The following KIF13B variants were observed in gnomAD, a reference collection of about 807,000 sequenced individuals.
KIF13B encodes the protein kinesin family member 13B.
In KIF13B, 127 loss-of-function variants were observed where a neutral mutation model predicts 222.0. The observed-to-expected ratio is 0.57, with a 90% CI of 0.50 to 0.66. KIF13B has a LOEUF of 0.66. Among genes scored for constraint, KIF13B ranks in the 30% least tolerant of loss-of-function variants. The pLI is 0.00. For synonymous variants in KIF13B, 976 were observed against 919.0 expected, an observed-to-expected ratio of 1.06 and a Z score of -1.12; for missense variants, 2,173 against 2,379.0, an observed-to-expected ratio of 0.91 and a Z score of 1.80.
intron 2 of KIF13B, among the ~76,000 whole-genome samples, chr8:29,217,600 G>A (rs766885434): frequency 2.0e-5 from 3 of 152,206 alleles, no homozygotes; most frequent in Non-Finnish European, 2.9e-5. Flanking sequence ...TCAAAACTAG[G>A]AGGGGGAAGA....
chr8:29,250,520 A>G (rs1816237304), intron 1 of KIF13B, among the ~76,000 whole-genome samples: 1 of 152,222 alleles, frequency 6.6e-6, no homozygotes, highest in African/African-American at 2.4e-5. Flanking sequence ...CACCTAACCT[A>G]AACTCATTTT....
intron 12 of KIF13B, among the ~76,000 whole-genome samples, chr8:29,164,575 C>T (rs551444807): frequency 3.4e-4 from 51 of 152,224 alleles, no homozygotes; most frequent in Non-Finnish European, 6.6e-4. Context: ...GGACACTTAA[C>T]GCTCTTAGCT....
chr8:29,222,311 T>TGGCAC (rs1291148843), intron 2 of KIF13B, among the ~76,000 whole-genome samples: 4 of 152,092 alleles, frequency 2.6e-5, no homozygotes, highest in Non-Finnish European at 4.4e-5. Context: ...GTTCATGGCA[T>TGGCAC]GGCACGGCAC....
intron 2 of KIF13B, among the ~76,000 whole-genome samples, chr8:29,216,960 C>CA (rs796159735): frequency 0.011 from 1,379 of 125,370 alleles, 5 homozygotes; most frequent in African/African-American, 0.026. Flanking sequence ...ATATTCAGTC[C>CA]AAAAAAAAAA....
chr8:29,251,926 A>G (rs559912822), intron 1 of KIF13B, among the ~76,000 whole-genome samples: 1 of 152,142 alleles, frequency 6.6e-6, no homozygotes, highest in East Asian at 1.9e-4. Context: ...GTAGTACTGT[A>G]AGTTTATTTC....
At chr8:29,257,531 G>A (rs1816529155) in intron 1 of KIF13B, among the ~76,000 whole-genome samples, 1 of 152,198 alleles carries the variant, frequency 6.6e-6, no homozygotes, top group African/African-American at 2.4e-5. Flanking sequence ...TTATGGAGGT[G>A]AGAGGGTAAA....
At chr8:29,152,596 A>T (rs191319943) in intron 14 of KIF13B, among the ~76,000 whole-genome samples, 2 of 140,434 alleles carry the variant, frequency 1.4e-5, no homozygotes, top group African/African-American at 5.7e-5. Context: ...ATTTTTTAGC[A>T]ACAGAGTTTT....
chr8:29,174,961 C>T (rs2130234444), intron 10 of KIF13B, among the ~76,000 whole-genome samples: 1 of 152,282 alleles, frequency 6.6e-6, no homozygotes, highest in African/African-American at 2.4e-5. Context: ...AAATCAGTAA[C>T]TATGTCCTCT....
intron 37 of KIF13B, 56 bp from the exon 38 acceptor site, chr8:29,075,399 A>C: frequency 6.7e-7 from 1 of 1,490,740 alleles, no homozygotes; most frequent in Non-Finnish European, 9.1e-7. Context: ...GGGTAGCAGA[A>C]AGGTTTCCGC....
At chr8:29,197,361 A>AAAAAAAAAAAAAAT (rs1813486729) in intron 2 of KIF13B, among the ~76,000 whole-genome samples, 3 of 135,308 alleles carry the variant, frequency 2.2e-5, no homozygotes, top group Non-Finnish European at 4.8e-5. Flanking sequence ...AAAAAAAAAA[A>AAAAAAAAAAAAAAT]CTCAATATAT....
intron 2 of KIF13B, among the ~76,000 whole-genome samples, chr8:29,218,330 T>C (rs191431292): frequency 3.3e-5 from 5 of 152,286 alleles, no homozygotes; most frequent in South Asian, 2.1e-4. Context: ...TCTAAAAAAA[T>C]AGCTTTCCTC....
At chr8:29,260,055 A>G (rs1180252462) in intron 1 of KIF13B, among the ~76,000 whole-genome samples, 1 of 152,210 alleles carries the variant, frequency 6.6e-6, no homozygotes, top group Non-Finnish European at 1.5e-5. Context: ...AAATAAATGT[A>G]TGACTAGACA....
At chr8:29,212,094 T>C (rs1814253760) in intron 2 of KIF13B, among the ~76,000 whole-genome samples, 1 of 152,230 alleles carries the variant, frequency 6.6e-6, no homozygotes, top group African/African-American at 2.4e-5. Context: ...GATAGGCATT[T>C]GGGCTGTTTC....
intron 13 of KIF13B, among the ~76,000 whole-genome samples, chr8:29,159,723 C>A (rs1012018075): frequency 2.0e-5 from 3 of 152,148 alleles, no homozygotes; most frequent in Non-Finnish European, 2.9e-5. Flanking sequence ...CGCCACTGAA[C>A]CACAACACTT....
intron 13 of KIF13B, among the ~76,000 whole-genome samples, chr8:29,156,491 C>T (rs920033368): frequency 3.9e-5 from 6 of 151,916 alleles, no homozygotes; most frequent in African/African-American, 1.5e-4. Context: ...CAACCACTAT[C>T]GCAGTCTTAG....
At chr8:29,150,110 C>T (rs1180645736) in intron 15 of KIF13B, among the ~76,000 whole-genome samples, 187 bp downstream of exon 15, 1 of 152,096 alleles carries the variant, frequency 6.6e-6, no homozygotes, top group Admixed American at 6.6e-5. Context: ...GTTTATATGT[C>T]CCTAGGGTTC....
At chr8:29,107,525 TCA>T (rs372061687) in intron 35 of KIF13B, among the ~76,000 whole-genome samples, 8 of 148,178 alleles carry the variant, frequency 5.4e-5, no homozygotes, top group Non-Finnish European at 7.5e-5. Context: ...CGAAACATCA[TCA>T]CACACACACA....
chr8:29,150,537 C>T lies in KIF13B; in HGVS notation c.1536-154G>A, dbSNP rs143012787. On this transcript the variant is annotated intron_variant, in intron 14 of 39. Transcript: ENST00000524189. ...TGAATTTTAATATTTGCATTTACTC[C>T]TTTGCTGATTCACCTAAAATGTTTA... Among the ~76,000 whole-genome samples, 152 of 152,306 alleles carry T rather than the reference C, an allele frequency of 1.0e-3. No homozygotes were observed. In the Middle Eastern group the frequency reaches 0.017, roughly 17 times the overall value.
rs1322888415 is a variant in KIF13B at position 29,070,652 on chromosome 8, C to T, written c.5333G>A (p.Ser1778Asn). The change falls in exon 40 of 40, where the codon AGC becomes AAC. Residue 1778 changes from serine (S) to asparagine (N), a missense_variant. Ser to Asn is a conservative substitution (Grantham distance 46). Coordinates refer to ENST00000524189, the MANE Select transcript of KIF13B (RefSeq NM_015254.4). This position sits in a 1 kb window ranked among gnomAD's most constrained non-coding sequence, Gnocchi z 4.1. ...RRATGPVRRRSTGLRLGAPEA... is the reference protein window; with the variant it reads ...RRATGPVRRRNTGLRLGAPEA... ...GGGGGCACCCAGCCGGAGTCCTGTGCTGCGCCGCCGCACAGGGCCCGTGGC... is the reference window on the plus strand; with the variant it reads ...GGGGGCACCCAGCCGGAGTCCTGTGTTGCGCCGCCGCACAGGGCCCGTGGC... The T allele has an allele frequency of 1.3e-6, 2 of 1,563,980 alleles. No homozygotes were observed. The highest frequency in any genetic ancestry group is 1.9e-5 in the Admixed American group (1 of 52,748).
Sources: allele counts gnomAD v4.1 joint callset (sites outside exome capture counted in the v4.1 genomes callset), GRCh38; gene constraint gnomAD v4.1.1; non-coding constraint Gnocchi (gnomAD v3.1); transcripts MANE v1.5; gene names NCBI Gene and HGNC (gene_info 2026-07-23, HGNC 2026-07-21).